Variants in TENT5D observed in about 807,000 individuals in gnomAD.
TENT5D encodes the protein cancer/testis antigen 112.
For missense variants in TENT5D, 191 were observed against 287.0 expected, an observed-to-expected ratio of 0.67 and a Z score of 2.42; for synonymous variants, 103 against 100.6, an observed-to-expected ratio of 1.02 and a Z score of -0.15.
intron 1 of TENT5D, among the ~76,000 whole-genome samples, chrX:80,428,258 G>A (rs1932020967): frequency 9.0e-6 from 1 of 111,691 alleles, no homozygotes; most frequent in African/African-American, 3.3e-5. Context: ...GGAGGTGATT[G>A]TCTGTTAGCC....
chrX:80,430,588 A>G (rs1932069648), intron 1 of TENT5D, among the ~76,000 whole-genome samples: 1 of 111,767 alleles, frequency 8.9e-6, no homozygotes, highest in Non-Finnish European at 1.9e-5. Context: ...ACCTCAGACC[A>G]TTTGCCCTCC....
At chrX:80,365,305 A>G (rs1454943524) in intron 3 of TENT5D, among the ~76,000 whole-genome samples, 2 of 111,272 alleles carry the variant, frequency 1.8e-5, no homozygotes, top group Non-Finnish European at 3.8e-5. Flanking sequence ...TACTTTTTTT[A>G]TTTTTAATGA....
At chrX:80,372,534 C>T (rs904409109) in intron 3 of TENT5D, among the ~76,000 whole-genome samples, 8 of 110,673 alleles carry the variant, frequency 7.2e-5, no homozygotes, top group African/African-American at 1.6e-4. Context: ...GATCTCGTCT[C>T]GTGGGATGAT....
chrX:80,378,546 C>T (rs187149084), intron 3 of TENT5D, among the ~76,000 whole-genome samples: 18 of 111,309 alleles, frequency 1.6e-4, no homozygotes, highest in African/African-American at 5.2e-4. Context: ...ATCCTTTCCC[C>T]ATTTCTTATT....
intron 3 of TENT5D, among the ~76,000 whole-genome samples, chrX:80,395,616 TATCTC>T (rs940636634): frequency 2.3e-4 from 26 of 111,374 alleles, no homozygotes; most frequent in African/African-American, 7.8e-4. Context: ...AAGATAGTGA[TATCTC>T]AATACATATA....
chrX:80,432,621 A>G (rs771479086), intron 1 of TENT5D, among the ~76,000 whole-genome samples: 5 of 111,974 alleles, frequency 4.5e-5, no homozygotes, highest in East Asian at 5.7e-4. Flanking sequence ...TTCCCAGCCA[A>G]TGCAACAAAA....
Position 80,407,657 on chromosome X carries a change from C to CT in TENT5D, c.-141-30950dup, listed in dbSNP as rs1931532675. Among the ~76,000 whole-genome samples, 4 of 107,838 alleles carry CT rather than the reference C, an allele frequency of 3.7e-5. No homozygotes were observed. The South Asian group carries it at 1.6e-3, about 44-fold the overall frequency. 93.6% of individuals were successfully genotyped at this position (107,838 alleles called of 115,157 possible). ...ACTCCCACACAATAATAATGGGAGA[C>CT]TTTAACACCCCACTGTCAACATTAG... is the stretch of plus-strand genomic sequence containing the variant. On this transcript the variant is annotated intron_variant, in intron 3 of 4. Coordinates refer to the TENT5D transcript ENST00000538312.
At chrX:80,396,215 G>C (rs1174908888) in intron 3 of TENT5D, among the ~76,000 whole-genome samples, 1 of 111,111 alleles carries the variant, frequency 9.0e-6, no homozygotes, top group Admixed American at 9.6e-5. Flanking sequence ...TCCAAGTAGT[G>C]AGATTGCTGG....
intron 1 of TENT5D, among the ~76,000 whole-genome samples, chrX:80,434,527 C>T (rs953321714): frequency 1.8e-5 from 2 of 111,385 alleles, no homozygotes; most frequent in African/African-American, 3.3e-5. Context: ...ATCTGAGGTA[C>T]GTTTGTGAGT....
At chrX:80,440,038 C>A (rs1432471349) in intron 2 of TENT5D, among the ~76,000 whole-genome samples, 1 of 111,075 alleles carries the variant, frequency 9.0e-6, no homozygotes, top group African/African-American at 3.3e-5. Flanking sequence ...TTGATTTAGA[C>A]AATTGAATAA....
At chrX:80,346,108 A>T (rs905990549) in intron 3 of TENT5D, among the ~76,000 whole-genome samples, 1 of 112,173 alleles carries the variant, frequency 8.9e-6, no homozygotes, top group Non-Finnish European at 1.9e-5. Context: ...TGTCATTTAA[A>T]TGGAATCATA....
At chrX:80,401,140 T>C (rs1243052707) in intron 3 of TENT5D, among the ~76,000 whole-genome samples, 1 of 111,971 alleles carries the variant, frequency 8.9e-6, no homozygotes, top group African/African-American at 3.2e-5. Context: ...ACCTGTTTGG[T>C]TAAATTTATT....
chrX:80,399,813 A>G (rs748058113), intron 3 of TENT5D, among the ~76,000 whole-genome samples: 1 of 112,020 alleles, frequency 8.9e-6, no homozygotes, highest in East Asian at 2.8e-4. Context: ...TACACTTACT[A>G]CAGCCTTTTT....
At chrX:80,401,490 A>G (rs887063487) in intron 3 of TENT5D, among the ~76,000 whole-genome samples, 1 of 111,451 alleles carries the variant, frequency 9.0e-6, no homozygotes, top group East Asian at 2.8e-4. Flanking sequence ...CTCGTTCATG[A>G]TCTTAAAGAA....
chrX:80,399,542 A>G (rs1931352382), intron 3 of TENT5D, among the ~76,000 whole-genome samples: 1 of 112,023 alleles, frequency 8.9e-6, no homozygotes, highest in Non-Finnish European at 1.9e-5. Context: ...CCCGATAGAC[A>G]CAATCTGAAT....
At chrX:80,415,095 A>G (rs1931742963) in intron 3 of TENT5D, among the ~76,000 whole-genome samples, 1 of 110,752 alleles carries the variant, frequency 9.0e-6, no homozygotes, top group South Asian at 3.8e-4. Context: ...CTCAGCTTGG[A>G]TGTTGTTGGT....
chrX:80,404,018 C>T (rs1270160702), intron 3 of TENT5D, among the ~76,000 whole-genome samples: 4 of 111,114 alleles, frequency 3.6e-5, no homozygotes, highest in Admixed American at 9.6e-5. Flanking sequence ...TAGGGGCTTC[C>T]GGGTTAGAAA....
chrX:80,390,707 T>C (rs1434316097), intron 3 of TENT5D, among the ~76,000 whole-genome samples: 5 of 110,679 alleles, frequency 4.5e-5, no homozygotes, highest in Non-Finnish European at 9.5e-5. Context: ...GTACTGGAAA[T>C]TGTGATAATG....
At chrX:80,397,114 G>T (rs1384133472) in intron 3 of TENT5D, among the ~76,000 whole-genome samples, 1 of 102,156 alleles carries the variant, frequency 9.8e-6, no homozygotes, top group African/African-American at 3.6e-5. Flanking sequence ...CCGGGCGGAG[G>T]GGCTCCTCAC....
Sources: allele counts gnomAD v4.1 joint callset (sites outside exome capture counted in the v4.1 genomes callset), GRCh38; gene constraint gnomAD v4.1.1; transcripts MANE v1.5; gene names NCBI Gene and HGNC (gene_info 2026-07-23, HGNC 2026-07-21).